ZC3H3: variants seen among roughly 807,000 people sequenced by gnomAD.
ZC3H3 encodes zinc finger CCCH domain-containing protein 3.
A neutral mutation model predicts 77.3 loss-of-function variants in ZC3H3; 36 were observed. The ratio of observed to expected loss-of-function variants is 0.47; its 90% confidence interval spans 0.36 to 0.61. The LOEUF is 0.61. Among genes scored for constraint, ZC3H3 ranks in the 20% least tolerant of loss-of-function variants. The pLI, the probability that ZC3H3 is intolerant of heterozygous loss-of-function variation, is 0.00. For synonymous variants in ZC3H3, 626 were observed against 555.2 expected (o/e 1.13, Z -1.79); for missense variants, 1,331 against 1,312.2 (o/e 1.01, Z -0.22).
chr8:143,507,610 C>T, intron 4 of ZC3H3, 136 bp downstream of exon 4: 1 of 1,084,892 alleles, frequency 9.2e-7, no homozygotes. Flanking sequence ...TGGTCCCCAG[C>T]CAACGAGCCC....
chr8:143,498,999 A>G (rs1821445178), intron 4 of ZC3H3, among the ~76,000 whole-genome samples: 1 of 151,940 alleles, frequency 6.6e-6, no homozygotes, highest in Non-Finnish European at 1.5e-5. Context: ...AGGCAGAGCC[A>G]TGGCTCAAAT....
At position 143,533,469 on chromosome 8, in the gene ZC3H3, C is replaced by G. The variant is rs1164904199; in HGVS notation, c.1561+2788G>C. Among the ~76,000 whole-genome samples the G allele has an allele frequency of 2.0e-5, 3 of 152,190 alleles. No individual in the cohort carries two copies. The highest frequency in any genetic ancestry group is 1.9e-4 in the East Asian group (1 of 5,182). ...CCTTCCTGGCTGATGTACAAGCACTCCAGTGGCTGCCTGTCTCCACCACTG... is the reference window on the plus strand; with the variant it reads ...CCTTCCTGGCTGATGTACAAGCACTGCAGTGGCTGCCTGTCTCCACCACTG... On this transcript the variant is annotated intron_variant, in intron 3 of 11. Coordinates refer to ENST00000262577, the MANE Select transcript of ZC3H3 (RefSeq NM_015117.3). The surrounding 1 kb of genome is among the most constrained non-coding windows in gnomAD (Gnocchi z 4.0).
rs542700287 is a variant in ZC3H3, at chr8:143,534,361, C to A, written c.1561+1896G>T. On this transcript the variant is annotated intron_variant, in intron 3 of 11. Coordinates refer to ENST00000262577, the MANE Select transcript of ZC3H3 (RefSeq NM_015117.3). ...ACCGCAGCAGCCCCTCAGCTGTGCA[C>A]TCCGAAATGGTCAGCCGGTGAAGCT... Among the ~76,000 whole-genome samples, 3 of 151,982 alleles carry A rather than the reference C, an allele frequency of 2.0e-5. No homozygotes were observed. The South Asian group carries it at 6.3e-4, about 32-fold the overall frequency.
intron 9 of ZC3H3, among the ~76,000 whole-genome samples, chr8:143,456,764 A>AG (rs1563837861): frequency 6.6e-6 from 1 of 152,132 alleles, no homozygotes; most frequent in Non-Finnish European, 1.5e-5. Context: ...GCTACTCAGG[A>AG]GGCTAAGGTG....
At chr8:143,469,207 C>T (rs1230564814) in intron 5 of ZC3H3, among the ~76,000 whole-genome samples, 2 of 152,266 alleles carry the variant, frequency 1.3e-5, no homozygotes, top group Non-Finnish European at 2.9e-5. Context: ...ACAGCAGCAC[C>T]TCCCTCTGCC....
chr8:143,476,215 C>A (rs4873796), intron 4 of ZC3H3, among the ~76,000 whole-genome samples: 2 of 152,134 alleles, frequency 1.3e-5, no homozygotes, highest in African/African-American at 4.8e-5. Context: ...CCTGTCCTGC[C>A]TCCCCTTCAT....
In ZC3H3 at chr8:143,538,323, C is replaced by T; in HGVS notation, c.1044G>A (p.Val348=). The T allele has an allele frequency of 1.2e-6, 2 of 1,613,006 alleles. No individual in the cohort carries two copies. The highest frequency in any genetic ancestry group is 2.2e-5 in the East Asian group (1 of 44,888). ...GGTCAGCTATGAGCTGCGGCTTCTC[C>T]ACCTTGTTTGCCATGCCAGCAGAGG... ...CKASAGMANK[V]EKPQLIADPE... The change falls in exon 2 of 12, where the codon GTG becomes GTA. Residue 348 remains valine (V), a synonymous_variant. Transcript: ENST00000262577.
At chr8:143,482,817 T>G (rs1297819793) in intron 4 of ZC3H3, among the ~76,000 whole-genome samples, 1 of 151,968 alleles carries the variant, frequency 6.6e-6, no homozygotes, top group African/African-American at 2.4e-5. Flanking sequence ...CTCGGGGGCA[T>G]AAGTATGGTG....
In ZC3H3 at chr8:143,475,178, G is replaced by T. The variant is rs57499236; in HGVS notation, c.1903+220C>A. ...GAAGGCGCCGGGTGTATGGAAGAGT[G>T]AAATTAACTCCCAGGATGGGACGTG... is the stretch of plus-strand genomic sequence containing the variant. On this transcript the variant is annotated intron_variant, in intron 5 of 11. Coordinates refer to ENST00000262577, the MANE Select transcript of ZC3H3 (RefSeq NM_015117.3). Among the ~76,000 whole-genome samples, 826 of 152,342 alleles carry T rather than the reference G, an allele frequency of 5.4e-3. 9 individuals carry two copies. Among genetic ancestry groups the T allele is most frequent in the African/African-American group, 0.018 (728 of 41,574 alleles).
intron 3 of ZC3H3, among the ~76,000 whole-genome samples, chr8:143,524,727 C>T (rs1274910539): frequency 6.6e-6 from 1 of 152,370 alleles, no homozygotes; most frequent in South Asian, 2.1e-4. Flanking sequence ...CACTGGTGGC[C>T]GTGTGGCCCT....
chr8:143,536,230 T>TGCCCAGC (rs1167873416), intron 3 of ZC3H3, 27 bp downstream of exon 3: 1 of 1,596,796 alleles, frequency 6.3e-7, no homozygotes. Context: ...CCAGCCCCAG[T>TGCCCAGC]GCCCAGCGCC....
chr8:143,524,561 AG>A (rs1211405710), intron 3 of ZC3H3, among the ~76,000 whole-genome samples: 3 of 152,258 alleles, frequency 2.0e-5, no homozygotes, highest in Non-Finnish European at 4.4e-5. Context: ...CGCTAGCAGC[AG>A]GCAAGTCGCA....
rs1368625524 is a variant in ZC3H3, at chr8:143,484,805, A to G, written c.1716-9220T>C. 6 of 431,988 alleles carry G rather than the reference A, an allele frequency of 1.4e-5. No individual in the cohort carries two copies. In the East Asian group the frequency reaches 4.3e-4, roughly 31 times the overall value. 26.8% of individuals were successfully genotyped at this position (431,988 alleles called of 1,614,324 possible). ...AGGACCCCTCAGGTCACTGCTGTCT[A>G]AAGAGACTCACAGCAGACATCCCCC... On this transcript the variant is annotated intron_variant, in intron 4 of 11. Transcript: ENST00000262577.
intron 3 of ZC3H3, among the ~76,000 whole-genome samples, chr8:143,534,279 T>TAAAAA (rs551776128): frequency 8.1e-6 from 1 of 123,486 alleles, no homozygotes; most frequent in East Asian, 2.5e-4. Context: ...CTAAAAACAT[T>TAAAAA]AAAAAAAAAA....
intron 9 of ZC3H3, among the ~76,000 whole-genome samples, chr8:143,447,205 G>T (rs574824634): frequency 6.6e-6 from 1 of 152,302 alleles, no homozygotes; most frequent in East Asian, 1.9e-4. Flanking sequence ...CTCTCCTGGG[G>T]GTGAGGCCCT....
At chr8:143,504,873 C>G (rs1418535719) in intron 4 of ZC3H3, among the ~76,000 whole-genome samples, 1 of 152,232 alleles carries the variant, frequency 6.6e-6, no homozygotes, top group Non-Finnish European at 1.5e-5. Flanking sequence ...CTCCCAGGAG[C>G]TGGCAGCTTC....
chr8:143,539,833 T>C (rs566349089), intron 1 of ZC3H3, among the ~76,000 whole-genome samples: 3 of 152,326 alleles, frequency 2.0e-5, no homozygotes, highest in South Asian at 4.1e-4. Context: ...GCAGAGGCCA[T>C]TGCTCTGCCA....
intron 3 of ZC3H3, among the ~76,000 whole-genome samples, chr8:143,513,338 G>A (rs1175821655): frequency 2.0e-5 from 3 of 152,164 alleles, no homozygotes; most frequent in Non-Finnish European, 4.4e-5. Flanking sequence ...CCCAGGGAAC[G>A]AGGCAGGCAA....
Position 143,538,933 on chromosome 8 carries a change from G to A in ZC3H3, c.434C>T (p.Ser145Phe). 1 of 1,613,016 alleles carries A rather than the reference G, an allele frequency of 6.2e-7. No homozygotes were observed. The highest frequency in any genetic ancestry group is 8.5e-7 in the Non-Finnish European group (1 of 1,180,022). Residue 145 changes from serine (S) to phenylalanine (F), a missense_variant, in exon 2 of 12, where the codon TCT becomes TTT. Transcript: ENST00000262577. ...GGGGGTTTCCTCAAATTCTTCCAAA[G>A]AGCCCCGCTGGGCCCCTGAGGCACT... The part of the protein sequence containing the change: ...SASASGAQRG[S>F]LEEFEETPWS...
Sources: gnomAD v4.1 joint callset for allele counts (sites outside exome capture counted in the v4.1 genomes callset) on GRCh38, gnomAD v4.1.1 for gene constraint, Gnocchi (gnomAD v3.1) non-coding constraint, MANE v1.5 for transcripts, NCBI Gene and HGNC (gene_info 2026-07-23, HGNC 2026-07-21) for gene names.